Variants in TP53I13 observed in about 807,000 individuals in gnomAD.
TP53I13 encodes tumor protein p53 inducible protein 13.
A neutral mutation model predicts 39.1 loss-of-function variants in TP53I13; 27 were observed. The observed-to-expected ratio is 0.69, with a 90% CI of 0.51 to 0.95. The LOEUF is 0.95. Ranked by LOEUF, TP53I13 falls within the 40% of genes least tolerant of loss-of-function variation. The pLI, the probability that TP53I13 is intolerant of heterozygous loss-of-function variation, is 0.00. For missense variants in TP53I13, 544 were observed against 520.4 expected, an observed-to-expected ratio of 1.05 and a Z score of -0.44; for synonymous variants, 230 against 224.6, an observed-to-expected ratio of 1.02 and a Z score of -0.22.
chr17:29,566,493 C>A, upstream of TP53I13: 1 of 1,611,766 alleles, frequency 6.2e-7, no homozygotes, highest in Non-Finnish European at 8.5e-7. Flanking sequence ...CCAGAAGCAC[C>A]GCAGGAAGGC....
the TP53I13 span, chr17:29,581,824 G>A: frequency 1.2e-6 from 2 of 1,612,602 alleles, no homozygotes; most frequent in Non-Finnish European, 1.7e-6. This position sits in a 1 kb window ranked among gnomAD's most constrained non-coding sequence, Gnocchi z 4.8. Context: ...CCAGCTCATG[G>A]TGCCCCGCCT....
At chr17:29,575,556 A>T, downstream of TP53I13, 1 of 1,563,742 alleles carries the variant, frequency 6.4e-7, no homozygotes. This position sits in a 1 kb window ranked among gnomAD's most constrained non-coding sequence, Gnocchi z 5.5. Context: ...CTTGGTCCTC[A>T]CACACTGGGG....
chr17:29,579,315 T>A, the TP53I13 span: 2 of 410,256 alleles, frequency 4.9e-6, no homozygotes, highest in South Asian at 6.8e-5. Context: ...ATCTCCCTCC[T>A]TCTAGTTTTG....
At position 29,568,735 on chromosome 17, in the gene TP53I13, G is replaced by T; in HGVS notation, c.-24G>T. 1 of 1,465,938 alleles carries T rather than the reference G, an allele frequency of 6.8e-7. No homozygotes were observed. The highest frequency in any genetic ancestry group is 9.0e-7 in the Non-Finnish European group (1 of 1,115,466). The allele number at this position is 1,465,938 out of a possible 1,614,324, so 90.8% of individuals were successfully genotyped here. A position where few individuals can be genotyped will look rare whatever the true frequency, so the allele number is the denominator to read the frequency against. ...CTCGCTGGCGGAGCGGCTGGGCGGCGGGCCGGGCCCGGGGCCGCTTGGAAT... is the reference window on the plus strand; with the variant it reads ...CTCGCTGGCGGAGCGGCTGGGCGGCTGGCCGGGCCCGGGGCCGCTTGGAAT... On this transcript the variant is annotated 5_prime_UTR_variant, in exon 1 of 7. Transcript: ENST00000301057. The surrounding 1 kb of genome is among the most constrained non-coding windows in gnomAD (Gnocchi z 4.5).
the TP53I13 span, chr17:29,581,473 C>T: frequency 1.9e-6 from 2 of 1,027,756 alleles, no homozygotes; most frequent in African/African-American, 3.1e-5. The surrounding 1 kb of genome is among the most constrained non-coding windows in gnomAD (Gnocchi z 4.8). Flanking sequence ...GGGCTGGCAC[C>T]CAGAAGTGTC....
chr17:29,576,067 C>G, downstream of TP53I13: 1 of 1,613,104 alleles, frequency 6.2e-7, no homozygotes, highest in Non-Finnish European at 8.5e-7. Context: ...ACACGCCTTC[C>G]CCAGGCTTAC....
the TP53I13 span, among the ~76,000 whole-genome samples, chr17:29,579,599 C>A: frequency 5.0e-4 from 76 of 151,960 alleles, no homozygotes; most frequent in African/African-American, 1.5e-3. Context: ...TAGCTGAGCA[C>A]GGTGGCATGT....
chr17:29,580,776 CTT>C, the TP53I13 span, among the ~76,000 whole-genome samples: 14 of 142,508 alleles, frequency 9.8e-5, no homozygotes, highest in Admixed American at 2.1e-4. Flanking sequence ...GTTTCTTTTT[CTT>C]TTTTTTTTTT....
chr17:29,581,032 G>C, the TP53I13 span: 1 of 379,854 alleles, frequency 2.6e-6, no homozygotes, highest in Admixed American at 3.7e-5. The surrounding 1 kb of genome is among the most constrained non-coding windows in gnomAD (Gnocchi z 4.8). Flanking sequence ...GCCCGCCTCG[G>C]CCTCCCAAAG....
At chr17:29,575,008 C>A, downstream of TP53I13, 2 of 1,476,770 alleles carry the variant, frequency 1.4e-6, no homozygotes, top group South Asian at 2.5e-5. This position sits in a 1 kb window ranked among gnomAD's most constrained non-coding sequence, Gnocchi z 5.5. Context: ...AGGTAGCGAT[C>A]AGATGGGATT....
At chr17:29,574,547 G>C (rs756793889), downstream of TP53I13, 13 of 715,308 alleles carry the variant, frequency 1.8e-5, no homozygotes, top group Admixed American at 8.0e-5. Context: ...GGCTCGACAG[G>C]GGTGGGCACC....
Position 29,569,328 on chromosome 17 carries a change from G to A in TP53I13, c.152G>A (p.Arg51Lys), listed in dbSNP as rs1459649633. 1.2e-6 allele frequency: 2 copies of A among 1,613,820 alleles called. No homozygotes were observed. Among genetic ancestry groups the A allele is most frequent in the Admixed American group, 3.3e-5 (2 of 59,986 alleles). ...TTTCCCCATGTATAGGTGTCACCAA[G>A]AGTGACCTACACACGAGTGAGCCCA... ...LWPLPPQVSP[R>K]VTYTRVSPGQ... Residue 51 changes from arginine to lysine, a missense_variant, in exon 3 of 7, where the codon AGA becomes AAA. Arg to Lys is a conservative substitution (Grantham distance 26). Coordinates refer to ENST00000301057, the MANE Select transcript of TP53I13 (RefSeq NM_138349.4).
chr17:29,568,943 C>G lies in TP53I13; in HGVS notation c.73-75C>G. The G allele has an allele frequency of 6.3e-7, 1 of 1,592,654 alleles. No homozygotes were observed. On this transcript the variant is annotated intron_variant, in intron 1 of 6. Transcript: ENST00000301057. This position sits in a 1 kb window ranked among gnomAD's most constrained non-coding sequence, Gnocchi z 4.5. ...GGGGGACGCGGAGTTCTTCCGCTGG[C>G]GGGCTGGGCCTGGGGAGAGAGAGGG...
chr17:29,567,050 G>T (rs1476028368), upstream of TP53I13: 14 of 1,150,358 alleles, frequency 1.2e-5, no homozygotes, highest in Non-Finnish European at 1.2e-5. The surrounding 1 kb of genome is among the most constrained non-coding windows in gnomAD (Gnocchi z 6.6). Context: ...GGCTCCGCCC[G>T]CCGGCGGCGG....
the TP53I13 span, chr17:29,582,079 G>A: frequency 6.2e-7 from 1 of 1,607,502 alleles, no homozygotes. Flanking sequence ...AGTTGGCCTG[G>A]GCACCCAGGG....
the TP53I13 span, chr17:29,578,903 C>T: frequency 6.3e-7 from 1 of 1,590,442 alleles, no homozygotes; most frequent in South Asian, 1.1e-5. Flanking sequence ...TGCTGCACAC[C>T]AAATGCCTCC....
At chr17:29,566,928 G>C (rs1426287979), upstream of TP53I13, 37 of 1,456,336 alleles carry the variant, frequency 2.5e-5, no homozygotes, top group Non-Finnish European at 3.3e-5. Context: ...GGGCGAGCAC[G>C]GCCAAGATGA....
rs774615965 is a variant in TP53I13, at chr17:29,572,009, C to T, written c.465C>T (p.Ser155=). The part of the protein sequence containing the change: ...YCESLSGPAP[S]EPTPGRGRLC... ...AAAGCCTTTCAGGGCCTGCTCCCTC[C>T]GAGCCAACTCCCGGTAGAGGGAGGC... The change falls in exon 5 of 7, where the codon TCC becomes TCT. Residue 155 remains serine, a synonymous_variant. Coordinates refer to ENST00000301057, the MANE Select transcript of TP53I13 (RefSeq NM_138349.4). The T allele has an allele frequency of 4.1e-5, 66 of 1,613,034 alleles. 1 individual carries two copies. In the South Asian group the frequency reaches 5.7e-4, roughly 14 times the overall value.
At chr17:29,574,861 G>A (rs1350104708), downstream of TP53I13, 1 of 1,595,174 alleles carries the variant, frequency 6.3e-7, no homozygotes, top group South Asian at 1.1e-5. Context: ...GCAGCCGGTA[G>A]GCGCTGGCGT....
Sources: gnomAD v4.1 joint callset for allele counts (sites outside exome capture counted in the v4.1 genomes callset) on GRCh38, gnomAD v4.1.1 for gene constraint, Gnocchi (gnomAD v3.1) non-coding constraint, MANE v1.5 for transcripts, NCBI Gene and HGNC (gene_info 2026-07-23, HGNC 2026-07-21) for gene names.